The following ADAMTS6 variants were observed in gnomAD, a reference collection of about 807,000 sequenced individuals.
ADAMTS6 encodes A disintegrin and metalloproteinase with thrombospondin motifs 6.
A neutral mutation model predicts 144.3 loss-of-function variants in ADAMTS6; 23 were observed. The ratio of observed to expected loss-of-function variants is 0.16; its 90% CI spans 0.11 to 0.23. The LOEUF is 0.23. Among genes scored for constraint, ADAMTS6 ranks in the 10% least tolerant of loss-of-function variants. The pLI, the probability that ADAMTS6 is intolerant of heterozygous loss-of-function variation, is 1.00. For missense variants in ADAMTS6, 999 were observed against 1,379.6 expected (o/e 0.72, Z 4.37); for synonymous variants, 444 against 457.5 (o/e 0.97, Z 0.38).
chr5:65,362,443 T>C (rs1185696809), intron 7 of ADAMTS6, among the ~76,000 whole-genome samples: 1 of 152,196 alleles, frequency 6.6e-6, no homozygotes, highest in Non-Finnish European at 1.5e-5. Flanking sequence ...CATGTTGTCG[T>C]TTTGACCAGA....
chr5:65,177,218 G>A (rs918511842), intron 22 of ADAMTS6, among the ~76,000 whole-genome samples: 2 of 152,180 alleles, frequency 1.3e-5, no homozygotes, highest in African/African-American at 4.8e-5. Context: ...CTCCAGAGTC[G>A]TGGGCCACAG....
At chr5:65,407,317 T>TG (rs957750083) in intron 7 of ADAMTS6, among the ~76,000 whole-genome samples, 1 of 150,118 alleles carries the variant, frequency 6.7e-6, no homozygotes, top group African/African-American at 2.4e-5. Context: ...CAGAAGAGAG[T>TG]GGGGGGCCAA....
At chr5:65,174,806 G>C (rs1479398212) in intron 22 of ADAMTS6, among the ~76,000 whole-genome samples, 1 of 152,118 alleles carries the variant, frequency 6.6e-6, no homozygotes, top group Non-Finnish European at 1.5e-5. Flanking sequence ...TTTGTTTTGT[G>C]GTGTGAGCAT....
chr5:65,210,090 A>C (rs1049232420), intron 20 of ADAMTS6: 3 of 220,750 alleles, frequency 1.4e-5, no homozygotes, highest in African/African-American at 2.3e-5. Flanking sequence ...CTGACAAATG[A>C]TGCTGCAGCG....
intron 7 of ADAMTS6, among the ~76,000 whole-genome samples, chr5:65,433,941 C>T (rs1042666857): frequency 2.6e-5 from 4 of 152,142 alleles, no homozygotes; most frequent in Non-Finnish European, 5.9e-5. Context: ...CACATCCACA[C>T]AAAAACTCCC....
rs552087517 is a variant in ADAMTS6 at position 65,418,507 on chromosome 5, C to T, written c.1073+32968G>A. 9.9e-5 allele frequency among the ~76,000 whole-genome samples: 15 copies of T among 152,208 alleles called. No homozygotes were observed. In the South Asian group the frequency reaches 3.1e-3, roughly 32 times the overall value. ...AATTAAAAGATGTGGAAATAGGCAGCTGTAGAACTTAATCTTCCAAGTACC... is the reference window on the plus strand; with the variant it reads ...AATTAAAAGATGTGGAAATAGGCAGTTGTAGAACTTAATCTTCCAAGTACC... On this transcript the variant is annotated intron_variant, in intron 7 of 24. Transcript: ENST00000381055.
intron 7 of ADAMTS6, among the ~76,000 whole-genome samples, chr5:65,375,631 G>T (rs1751456105): frequency 6.6e-6 from 1 of 152,028 alleles, no homozygotes; most frequent in African/African-American, 2.4e-5. Context: ...AAGAAGATGT[G>T]GAGAAATAGG....
chr5:65,201,623 C>A (rs1214930381), intron 20 of ADAMTS6, among the ~76,000 whole-genome samples: 1 of 152,162 alleles, frequency 6.6e-6, no homozygotes, highest in Non-Finnish European at 1.5e-5. Flanking sequence ...GGGCATTCTA[C>A]AACCTCCTGT....
intron 3 of ADAMTS6, among the ~76,000 whole-genome samples, chr5:65,467,471 A>G (rs1390446544): frequency 6.6e-6 from 1 of 152,114 alleles, no homozygotes; most frequent in Non-Finnish European, 1.5e-5. Flanking sequence ...AAAAATTTTT[A>G]AAGAATAAAA....
intron 2 of ADAMTS6, 28 bp from the exon 3 acceptor site, chr5:65,471,170 G>T: frequency 6.5e-7 from 1 of 1,543,072 alleles, no homozygotes; most frequent in Non-Finnish European, 8.6e-7. Flanking sequence ...AGAGAATCCA[G>T]AAAAAAAACA....
intron 22 of ADAMTS6, among the ~76,000 whole-genome samples, chr5:65,174,315 G>A (rs1000915422): frequency 1.3e-5 from 2 of 152,180 alleles, no homozygotes; most frequent in Non-Finnish European, 2.9e-5. Context: ...ACCGGGAAGC[G>A]AGGTGATTAA....
At chr5:65,243,363 A>G (rs1034128094) in intron 14 of ADAMTS6, among the ~76,000 whole-genome samples, 5 of 152,136 alleles carry the variant, frequency 3.3e-5, no homozygotes, top group African/African-American at 1.2e-4. Flanking sequence ...ACAATAGACC[A>G]CAATGTGCAA....
intron 2 of ADAMTS6, among the ~76,000 whole-genome samples, chr5:65,472,738 A>G (rs997631426): frequency 1.3e-5 from 2 of 152,198 alleles, no homozygotes; most frequent in Non-Finnish European, 2.9e-5. Flanking sequence ...AATGTAAATA[A>G]ATTCAAAGAC....
At chr5:65,417,377 A>G (rs891673498) in intron 7 of ADAMTS6, among the ~76,000 whole-genome samples, 8 of 152,352 alleles carry the variant, frequency 5.3e-5, no homozygotes, top group African/African-American at 1.9e-4. Context: ...AGAGCTAGCC[A>G]GAGCAATCAG....
At chr5:65,431,398 T>G (rs1032863854) in intron 7 of ADAMTS6, among the ~76,000 whole-genome samples, 2 of 152,162 alleles carry the variant, frequency 1.3e-5, no homozygotes, top group Non-Finnish European at 2.9e-5. Context: ...CAGAATCCCC[T>G]AAATACTTCA....
rs200043531 is a variant in ADAMTS6 at position 65,452,113 on chromosome 5, A to G, written c.927+20T>C. ...GCCTTCTGTTAACAATCTTAGATAT[A>G]TAAACTAACTCATTCTTACCTGATC... On this transcript the variant is annotated intron_variant, in intron 6 of 24. Transcript: ENST00000381055. The G allele has an allele frequency of 1.1e-5, 18 of 1,585,884 alleles. No homozygotes were observed. The highest frequency in any genetic ancestry group is 8.6e-6 in the Non-Finnish European group (10 of 1,160,902).
intron 9 of ADAMTS6, among the ~76,000 whole-genome samples, chr5:65,302,167 T>C (rs1580340410): frequency 6.9e-6 from 1 of 144,792 alleles, no homozygotes; most frequent in Non-Finnish European, 1.5e-5. Flanking sequence ...TATATATTTA[T>C]ATGATATTAT....
chr5:65,353,080 G>A (rs540488617), intron 7 of ADAMTS6, among the ~76,000 whole-genome samples: 10 of 151,926 alleles, frequency 6.6e-5, no homozygotes, highest in African/African-American at 1.7e-4. Context: ...AGGTAAATAC[G>A]TACATTCCAT....
chr5:65,308,163 C>T (rs1428180333), intron 9 of ADAMTS6, among the ~76,000 whole-genome samples: 2 of 152,010 alleles, frequency 1.3e-5, no homozygotes, highest in South Asian at 4.1e-4. Flanking sequence ...AGACCAACTT[C>T]GAAGAAAAAA....
Sources: gnomAD v4.1 joint callset for allele counts (sites outside exome capture counted in the v4.1 genomes callset) on GRCh38, gnomAD v4.1.1 for gene constraint, MANE v1.5 for transcripts, NCBI Gene and HGNC (gene_info 2026-07-23, HGNC 2026-07-21) for gene names.